Variants in CUBN observed in about 807,000 individuals in gnomAD.
The protein encoded by CUBN is 460 kDa receptor.
Under a neutral mutation model 405.3 loss-of-function variants are expected in CUBN, and 282 were observed. The ratio of observed to expected loss-of-function variants is 0.70; its 90% CI spans 0.63 to 0.77. CUBN has a LOEUF of 0.77. CUBN is among the 30% of genes least tolerant of loss of function. The pLI, the probability that CUBN is intolerant of heterozygous loss-of-function variation, is 0.00. For missense variants in CUBN, 4,514 were observed against 4,475.2 expected, an observed-to-expected ratio of 1.01 and a Z score of -0.25; for synonymous variants, 1,684 against 1,617.0, an observed-to-expected ratio of 1.04 and a Z score of -0.99.
chr10:16,863,225 C>T (rs144035524), intron 59 of CUBN, among the ~76,000 whole-genome samples: 5 of 152,196 alleles, frequency 3.3e-5, no homozygotes, highest in African/African-American at 1.2e-4. Context: ...TTAGGATCAT[C>T]CCCCAAGGGA....
chr10:16,969,210 G>A (rs1442000927), intron 31 of CUBN, among the ~76,000 whole-genome samples: 3 of 151,800 alleles, frequency 2.0e-5, no homozygotes, highest in Non-Finnish European at 4.4e-5. Flanking sequence ...CCAAAGCACT[G>A]AGCATTGCAG....
At chr10:16,923,574 A>C (rs1842097760) in intron 43 of CUBN, among the ~76,000 whole-genome samples, 1 of 152,170 alleles carries the variant, frequency 6.6e-6, no homozygotes, top group African/African-American at 2.4e-5. Context: ...CAGGTTGTGA[A>C]ATCAAAAGAC....
Position 16,949,980 on chromosome 10 carries a change from G to A in CUBN, c.5080+21C>T, listed in dbSNP as rs188369104. On this transcript the variant is annotated intron_variant, in intron 34 of 66. Coordinates refer to ENST00000377833, the MANE Select transcript of CUBN (RefSeq NM_001081.4). ...AAGCACAGCCAAGACCACAGATGTA[G>A]ATGAGTGAACGCTGAGGTACCTCGG... 4.1e-5 allele frequency: 64 copies of A among 1,551,586 alleles called. No homozygotes were observed. In the African/African-American group the frequency reaches 6.9e-4, roughly 17 times the overall value.
intron 40 of CUBN, among the ~76,000 whole-genome samples, chr10:16,930,499 T>G (rs1842331840): frequency 6.6e-6 from 1 of 152,200 alleles, no homozygotes; most frequent in Non-Finnish European, 1.5e-5. Context: ...TTATCTAAGG[T>G]CATGAAGAAA....
intron 14 of CUBN, among the ~76,000 whole-genome samples, chr10:17,095,095 TAA>T (rs1022882767): frequency 1.3e-5 from 2 of 151,920 alleles, no homozygotes; most frequent in African/African-American, 4.8e-5. Flanking sequence ...AGCCCAGAAA[TAA>T]GTCCATATAT....
chr10:17,054,436 G>C (rs1835344875), intron 22 of CUBN, among the ~76,000 whole-genome samples: 1 of 150,682 alleles, frequency 6.6e-6, no homozygotes, highest in Admixed American at 6.6e-5. Flanking sequence ...CTAGAGAAAA[G>C]CTAACTAAGG....
chr10:16,904,464 A>G (rs1267816775), intron 50 of CUBN, among the ~76,000 whole-genome samples: 1 of 152,260 alleles, frequency 6.6e-6, no homozygotes, highest in Non-Finnish European at 1.5e-5. Flanking sequence ...TAAGAAATAT[A>G]ATACCAACAG....
At chr10:16,855,002 T>TTC (rs898361981) in intron 59 of CUBN, among the ~76,000 whole-genome samples, 1 of 144,008 alleles carries the variant, frequency 6.9e-6, no homozygotes, top group Admixed American at 6.9e-5. Flanking sequence ...CTTTCCTTTT[T>TTC]TCTCTCTCTC....
At chr10:16,948,048 A>C (rs569456495) in intron 35 of CUBN, among the ~76,000 whole-genome samples, 4 of 152,324 alleles carry the variant, frequency 2.6e-5, no homozygotes, top group African/African-American at 9.6e-5. Context: ...GTCTCTACTA[A>C]AAATACAAAA....
chr10:16,830,053 A>T (rs531803152), intron 65 of CUBN, among the ~76,000 whole-genome samples: 10 of 151,798 alleles, frequency 6.6e-5, no homozygotes, highest in Admixed American at 6.6e-4. Context: ...CTCCAGTCTC[A>T]GCCTCCCGAG....
chr10:17,006,411 A>C (rs928277594), intron 28 of CUBN, among the ~76,000 whole-genome samples: 2 of 152,176 alleles, frequency 1.3e-5, no homozygotes, highest in African/African-American at 4.8e-5. Flanking sequence ...CTCACACAAG[A>C]CAAGTGGATA....
chr10:16,962,695 G>A (rs1843268245), intron 31 of CUBN, among the ~76,000 whole-genome samples: 1 of 152,110 alleles, frequency 6.6e-6, no homozygotes, highest in South Asian at 2.1e-4. Context: ...TGCTTGCCCT[G>A]GTGAGCAAGG....
intron 49 of CUBN, 118 bp from the exon 50 acceptor site, chr10:16,906,527 T>C: frequency 2.5e-6 from 2 of 792,124 alleles, no homozygotes; most frequent in Non-Finnish European, 2.2e-6. Context: ...TTTGTTTTTC[T>C]AGATGCAGTC....
At chr10:16,830,018 C>T (rs1208636137) in intron 65 of CUBN, among the ~76,000 whole-genome samples, 3 of 152,144 alleles carry the variant, frequency 2.0e-5, no homozygotes, top group Admixed American at 2.0e-4. Context: ...TCACTACAGC[C>T]TCCATCTCCC....
chr10:17,081,566 G>A (rs1471381184), intron 17 of CUBN, among the ~76,000 whole-genome samples: 1 of 152,188 alleles, frequency 6.6e-6, no homozygotes, highest in East Asian at 1.9e-4. Context: ...AATATATTGA[G>A]TCATAATAAT....
At chr10:16,949,129 C>A (rs1842856995) in intron 34 of CUBN, among the ~76,000 whole-genome samples, 1 of 152,172 alleles carries the variant, frequency 6.6e-6, no homozygotes, top group South Asian at 2.1e-4. Flanking sequence ...CAAGGATTGA[C>A]CTACTATTTA....
In CUBN at chr10:16,892,932, A is replaced by T. The variant is rs1447785373; in HGVS notation, c.8599-2405T>A. ...ACTTTTCTGAAGTCATTAATTATAGATTCGACAACTCTACCTTTTGGCCTG... is the reference window on the plus strand; with the variant it reads ...ACTTTTCTGAAGTCATTAATTATAGTTTCGACAACTCTACCTTTTGGCCTG... On this transcript the variant is annotated intron_variant, in intron 54 of 66. Transcript: ENST00000377833. 5.3e-5 allele frequency among the ~76,000 whole-genome samples: 8 copies of T among 152,222 alleles called. No individual in the cohort carries two copies. In the South Asian group the frequency reaches 1.0e-3, roughly 20 times the overall value.
Position 16,913,920 on chromosome 10 carries a change from C to T in CUBN, c.7424G>A (p.Gly2475Asp). 1 of 1,614,062 alleles carries T rather than the reference C, an allele frequency of 6.2e-7. No homozygotes were observed. Among genetic ancestry groups the T allele is most frequent in the Non-Finnish European group, 8.5e-7 (1 of 1,180,016 alleles). The change falls in exon 48 of 67, where the codon GGC (glycine) becomes GAC (aspartate). Residue 2475 changes from glycine (G) to aspartate (D), a missense_variant. Coordinates refer to ENST00000377833, the MANE Select transcript of CUBN (RefSeq NM_001081.4). ...SPNYPNPNPH[G>D]RICEWRITAP... ...AGTGATTCTCCACTCGCAGATCCGGCCATGAGGATTTGGGTTCGGGTAGTT... is the reference window on the plus strand; with the variant it reads ...AGTGATTCTCCACTCGCAGATCCGGTCATGAGGATTTGGGTTCGGGTAGTT...
chr10:16,885,133 T>C (rs996581759), intron 56 of CUBN, among the ~76,000 whole-genome samples: 4 of 152,196 alleles, frequency 2.6e-5, no homozygotes, highest in African/African-American at 9.7e-5. Flanking sequence ...AGCTCGGTGA[T>C]GGTATTCAAT....
Sources: allele counts gnomAD v4.1 joint callset (sites outside exome capture counted in the v4.1 genomes callset), GRCh38; gene constraint gnomAD v4.1.1; transcripts MANE v1.5; gene names NCBI Gene and HGNC (gene_info 2026-07-23, HGNC 2026-07-21).